The following ERBB4 variants were observed in gnomAD, a reference collection of about 807,000 sequenced individuals.
ERBB4 encodes the protein receptor tyrosine-protein kinase erbB-4.
Under a neutral mutation model 158.0 loss-of-function variants are expected in ERBB4, and 42 were observed. The ratio of observed to expected loss-of-function variants is 0.27; its 90% CI spans 0.21 to 0.34. The LOEUF is 0.34. Among genes scored for constraint, ERBB4 ranks in the 10% least tolerant of loss-of-function variants. The pLI is 1.00. For missense variants in ERBB4, 1,333 were observed against 1,624.1 expected, an observed-to-expected ratio of 0.82 and a Z score of 3.08; for synonymous variants, 583 against 558.7, an observed-to-expected ratio of 1.04 and a Z score of -0.61.
At chr2:212,318,794 G>A (rs754487802) in intron 1 of ERBB4, among the ~76,000 whole-genome samples, 1 of 151,492 alleles carries the variant, frequency 6.6e-6, no homozygotes, top group Non-Finnish European at 1.5e-5. Flanking sequence ...TTTTTATCAT[G>A]TAAGTCTTGC....
intron 20 of ERBB4, among the ~76,000 whole-genome samples, chr2:211,499,493 A>C (rs970068590): frequency 6.6e-6 from 1 of 152,128 alleles, no homozygotes; most frequent in Non-Finnish European, 1.5e-5. Context: ...ACTGCACTCC[A>C]GCCTGGCAAC....
At chr2:212,231,805 G>C (rs2083675043) in intron 1 of ERBB4, among the ~76,000 whole-genome samples, 1 of 151,954 alleles carries the variant, frequency 6.6e-6, no homozygotes, top group South Asian at 2.1e-4. Context: ...CAATCAACTA[G>C]GATAAAAAAA....
At chr2:212,482,644 G>A (rs1390084337) in intron 1 of ERBB4, among the ~76,000 whole-genome samples, 2 of 152,184 alleles carry the variant, frequency 1.3e-5, no homozygotes, top group Non-Finnish European at 1.5e-5. Context: ...CTGAGACGAA[G>A]ACTTGCTCTG....
intron 1 of ERBB4, among the ~76,000 whole-genome samples, chr2:212,369,999 T>C (rs1027705391): frequency 6.6e-6 from 1 of 152,112 alleles, no homozygotes; most frequent in Non-Finnish European, 1.5e-5. Context: ...AAGGGAGATA[T>C]AGAGAGAAAT....
At chr2:211,853,063 T>C (rs1239491075) in intron 3 of ERBB4, among the ~76,000 whole-genome samples, 3 of 152,034 alleles carry the variant, frequency 2.0e-5, no homozygotes, top group Non-Finnish European at 2.9e-5. Flanking sequence ...GTCATCCCTT[T>C]CTGTGCTTGG....
chr2:211,392,600 A>ACACACACACACC (rs564067126), intron 25 of ERBB4, among the ~76,000 whole-genome samples: 8 of 133,638 alleles, frequency 6.0e-5, no homozygotes, highest in African/African-American at 2.2e-4. Flanking sequence ...ACACACACAC[A>ACACACACACACC]CCCCAATAAT....
chr2:212,395,473 C>T (rs2090997167), intron 1 of ERBB4, among the ~76,000 whole-genome samples: 1 of 151,884 alleles, frequency 6.6e-6, no homozygotes, highest in African/African-American at 2.4e-5. Flanking sequence ...ATGATGAATT[C>T]ACCTGTTGAC....
At chr2:211,639,604 T>C (rs1334054747) in intron 16 of ERBB4, among the ~76,000 whole-genome samples, 1 of 152,230 alleles carries the variant, frequency 6.6e-6, no homozygotes, top group African/African-American at 2.4e-5. Context: ...AGAGAATATA[T>C]TCTATGTATA....
At chr2:211,829,064 G>C (rs1199141533) in intron 3 of ERBB4, among the ~76,000 whole-genome samples, 1 of 152,034 alleles carries the variant, frequency 6.6e-6, no homozygotes, top group African/African-American at 2.4e-5. Context: ...AGCCATGCAT[G>C]GTTTCCTTTA....
chr2:212,121,810 C>T (rs1266602767), intron 2 of ERBB4, among the ~76,000 whole-genome samples: 1 of 152,088 alleles, frequency 6.6e-6, no homozygotes, highest in African/African-American at 2.4e-5. Flanking sequence ...GATTCAGGGG[C>T]TTCCTTCTAA....
chr2:211,916,161 A>G (rs1299672421), intron 3 of ERBB4, among the ~76,000 whole-genome samples: 2 of 151,392 alleles, frequency 1.3e-5, no homozygotes, highest in East Asian at 3.9e-4. Flanking sequence ...GGATGAAATT[A>G]TTATTATTAT....
At chr2:212,350,118 ATTAG>A (rs928132070) in intron 1 of ERBB4, among the ~76,000 whole-genome samples, 7 of 152,158 alleles carry the variant, frequency 4.6e-5, no homozygotes, top group African/African-American at 9.6e-5. Flanking sequence ...CTTCCAAGTT[ATTAG>A]TTAGTGTAAG....
At chr2:212,073,496 A>G (rs1314498219) in intron 2 of ERBB4, among the ~76,000 whole-genome samples, 1 of 152,088 alleles carries the variant, frequency 6.6e-6, no homozygotes, top group African/African-American at 2.4e-5. Context: ...CCAGAACAAT[A>G]TATAAAACAA....
At chr2:212,292,409 A>G (rs1480220869) in intron 1 of ERBB4, among the ~76,000 whole-genome samples, 4 of 152,022 alleles carry the variant, frequency 2.6e-5, no homozygotes, top group African/African-American at 7.2e-5. Context: ...TACTAGTTCA[A>G]TGATCTCTGA....
chr2:211,934,441 C>T (rs190066807), intron 3 of ERBB4, among the ~76,000 whole-genome samples: 16 of 151,982 alleles, frequency 1.1e-4, no homozygotes, highest in Admixed American at 9.2e-4. Context: ...TAAAATCACC[C>T]TTCTAATATC....
chr2:212,239,479 A>G (rs1374579248), intron 1 of ERBB4, among the ~76,000 whole-genome samples: 1 of 152,210 alleles, frequency 6.6e-6, no homozygotes, highest in African/African-American at 2.4e-5. Flanking sequence ...AATATTATCA[A>G]AATAGTGATT....
chr2:212,073,985 A>C (rs2078202467), intron 2 of ERBB4, among the ~76,000 whole-genome samples: 1 of 152,040 alleles, frequency 6.6e-6, no homozygotes, highest in African/African-American at 2.4e-5. Flanking sequence ...AGTATTCCTC[A>C]CATTCTCAAC....
intron 4 of ERBB4, among the ~76,000 whole-genome samples, chr2:211,767,144 A>C: frequency 6.6e-6 from 1 of 152,336 alleles, no homozygotes; most frequent in South Asian, 2.1e-4. Context: ...TTGTTTTAAT[A>C]AATCTGTGCT....
chr2:212,278,111 C>A (rs898824338), intron 1 of ERBB4, among the ~76,000 whole-genome samples: 1 of 151,656 alleles, frequency 6.6e-6, no homozygotes, highest in Non-Finnish European at 1.5e-5. Flanking sequence ...AGGACATAAA[C>A]AGTTTTGTAC....
Sources: allele counts gnomAD v4.1 joint callset (sites outside exome capture counted in the v4.1 genomes callset), GRCh38; gene constraint gnomAD v4.1.1; transcripts MANE v1.5; gene names NCBI Gene and HGNC (gene_info 2026-07-23, HGNC 2026-07-21).